The following NAV1 variants were observed in gnomAD, a reference collection of about 807,000 sequenced individuals.
NAV1 encodes the protein pore membrane and/or filament interacting like protein 3.
NAV1 carries 18 observed loss-of-function variants against 175.2 expected under a neutral mutation model. The observed-to-expected ratio is 0.10, with a 90% CI of 0.07 to 0.15. The LOEUF is 0.15. Among genes scored for constraint, NAV1 ranks in the 10% least tolerant of loss-of-function variants. The pLI, the probability that NAV1 is intolerant of heterozygous loss-of-function variation, is 1.00. For synonymous variants in NAV1, 897 were observed against 978.7 expected (o/e 0.92, Z 1.56); for missense variants, 1,731 against 2,436.6 (o/e 0.71, Z 6.10).
At chr1:201,629,158 G>A (rs1398870177) in intron 1 of NAV1, among the ~76,000 whole-genome samples, 1 of 152,204 alleles carries the variant, frequency 6.6e-6, no homozygotes, top group Non-Finnish European at 1.5e-5. Context: ...GTCAAGGGGT[G>A]ACAAGCATCG....
At chr1:201,606,765 T>G (rs935491116) in intron 2 of NAV1, among the ~76,000 whole-genome samples, 1 of 152,214 alleles carries the variant, frequency 6.6e-6, no homozygotes, top group African/African-American at 2.4e-5. Flanking sequence ...TTGGCCTGAC[T>G]GTTCAAGGCC....
At chr1:201,594,271 T>C (rs1667290131) in intron 2 of NAV1, among the ~76,000 whole-genome samples, 1 of 152,110 alleles carries the variant, frequency 6.6e-6, no homozygotes, top group South Asian at 2.1e-4. Flanking sequence ...GGGCCTTATT[T>C]TGGCCTCACT....
intron 3 of NAV1, among the ~76,000 whole-genome samples, chr1:201,732,693 A>G (rs1314862816): frequency 6.6e-6 from 1 of 152,258 alleles, no homozygotes; most frequent in Non-Finnish European, 1.5e-5. Flanking sequence ...CATACATTCC[A>G]CAAACACTTG....
chr1:201,698,491 G>A (rs1671280863), intron 1 of NAV1, among the ~76,000 whole-genome samples: 1 of 152,226 alleles, frequency 6.6e-6, no homozygotes, highest in South Asian at 2.1e-4. Context: ...CAGAGGCGGT[G>A]ATGTTCACTC....
At chr1:201,707,896 C>T (rs954437965) in intron 1 of NAV1, among the ~76,000 whole-genome samples, 9 of 152,188 alleles carry the variant, frequency 5.9e-5, no homozygotes, top group African/African-American at 2.2e-4. Context: ...GAGGCATGTG[C>T]ATGTATTTTG....
chr1:201,548,508 C>G (rs1361243980), intron 1 of NAV1, among the ~76,000 whole-genome samples: 2 of 152,126 alleles, frequency 1.3e-5, no homozygotes, highest in East Asian at 1.9e-4. Context: ...TTGCAGTGAG[C>G]TATGATTGCA....
intron 1 of NAV1, among the ~76,000 whole-genome samples, chr1:201,693,926 G>T (rs1671069405): frequency 6.6e-6 from 1 of 152,160 alleles, no homozygotes; most frequent in African/African-American, 2.4e-5. Context: ...ACACCTTGGG[G>T]GCTGGGGGCT....
chr1:201,598,335 G>A (rs960490595), intron 2 of NAV1, among the ~76,000 whole-genome samples: 4 of 152,240 alleles, frequency 2.6e-5, no homozygotes, highest in African/African-American at 9.6e-5. Flanking sequence ...AGATGAGTCT[G>A]GGAAATAGGG....
At chr1:201,586,390 T>G (rs562416144) in intron 1 of NAV1, among the ~76,000 whole-genome samples, 2 of 152,356 alleles carry the variant, frequency 1.3e-5, no homozygotes, top group Non-Finnish European at 2.9e-5. Context: ...GTAGTGACAG[T>G]TGCACAAAAC....
chr1:201,643,896 C>T (rs1220739124), upstream of NAV1, among the ~76,000 whole-genome samples: 1 of 152,244 alleles, frequency 6.6e-6, no homozygotes. Context: ...TATCACACAG[C>T]ATGCGTCTCC....
intron 1 of NAV1, among the ~76,000 whole-genome samples, chr1:201,663,974 C>T (rs1051723484): frequency 1.3e-5 from 2 of 152,150 alleles, no homozygotes; most frequent in Non-Finnish European, 2.9e-5. Context: ...GGATTACAAT[C>T]GTAAAGTTCC....
intron 3 of NAV1, chr1:201,733,573 A>G (rs1672960753): frequency 6.6e-6 from 1 of 152,134 alleles, no homozygotes; most frequent in South Asian, 2.1e-4. Context: ...TAAACATGCA[A>G]TAGGTTAGGT....
intron 1 of NAV1, among the ~76,000 whole-genome samples, chr1:201,678,768 T>A (rs1670356398): frequency 6.6e-6 from 1 of 151,878 alleles, no homozygotes; most frequent in African/African-American, 2.4e-5. Context: ...CCCCACAAGC[T>A]CAAACTCAAG....
chr1:201,585,435 G>GACAC lies in NAV1; in HGVS notation c.-143-3090_-143-3087dup, dbSNP rs147225809. ...GGCTCTGAGAAGCTCTTCATTCACA[G>GACAC]ACACACACACACACACAAATAGACA... On this transcript the variant is annotated intron_variant, in intron 1 of 33. Coordinates refer to the NAV1 transcript ENST00000685211. 1.2e-3 allele frequency among the ~76,000 whole-genome samples: 174 copies of GACAC among 150,966 alleles called. 1 individual carries two copies. The highest frequency in any genetic ancestry group is 1.5e-3 in the Non-Finnish European group (103 of 67,646).
intron 15 of NAV1, chr1:201,798,734 A>C (rs1571503920): frequency 1.0e-5 from 1 of 99,558 alleles, no homozygotes; most frequent in Non-Finnish European, 1.8e-5. Flanking sequence ...ATGAATTCTC[A>C]CTCTCTTGCC....
At chr1:201,780,838 C>T (rs767351315) in intron 4 of NAV1, among the ~76,000 whole-genome samples, 174 bp from the exon 9 acceptor site, 4 of 152,116 alleles carry the variant, frequency 2.6e-5, no homozygotes, top group African/African-American at 4.8e-5. Context: ...AAAGAAACCC[C>T]GAGATATATG....
rs144466412 is a variant in NAV1, at chr1:201,589,404, G to A, written c.-33+755G>A. 1.0e-3 allele frequency among the ~76,000 whole-genome samples: 155 copies of A among 152,306 alleles called. No individual in the cohort carries two copies. In the East Asian group the frequency reaches 0.016, roughly 16 times the overall value. ...AATGGGGATAGTAATATTTAGTACC[G>A]TGTAGGGAAATGTTAAATTAAGTTA... On this transcript the variant is annotated intron_variant, in intron 2 of 33. Transcript: ENST00000685211.
chr1:201,815,238 A>T (rs1678953928), intron 28 of NAV1, among the ~76,000 whole-genome samples: 1 of 152,072 alleles, frequency 6.6e-6, no homozygotes, highest in African/African-American at 2.4e-5. Context: ...ATTCAGTTGT[A>T]AAAAAGGAGG....
At chr1:201,649,926 C>T (rs1398695770) in intron 1 of NAV1, among the ~76,000 whole-genome samples, 3 of 151,476 alleles carry the variant, frequency 2.0e-5, no homozygotes, top group African/African-American at 7.3e-5. Context: ...CTGTGGATCC[C>T]GAGTGGGAGC....
Sources: allele counts gnomAD v4.1 joint callset (sites outside exome capture counted in the v4.1 genomes callset), GRCh38; gene constraint gnomAD v4.1.1; transcripts MANE v1.5; gene names NCBI Gene and HGNC (gene_info 2026-07-23, HGNC 2026-07-21).